The following GBP1 variants were observed in gnomAD, a reference collection of about 807,000 sequenced individuals.
GBP1 encodes the protein guanylate binding protein 1, also known as guanylate-binding protein 1.
Under a neutral mutation model 69.5 loss-of-function variants are expected in GBP1, and 64 were observed. The ratio of observed to expected loss-of-function variants is 0.92; its 90% CI spans 0.75 to 1.13. The LOEUF is 1.13. Ranked by LOEUF, GBP1 falls within the 50% of genes most tolerant of loss-of-function variation. The probability of loss-of-function intolerance (pLI) is 0.00; values close to 1 mark genes in which losing one functional copy is unlikely to be tolerated. For synonymous variants in GBP1, 250 were observed against 261.2 expected (o/e 0.96, Z 0.41); for missense variants, 630 against 704.1 (o/e 0.89, Z 1.19).
intron 10 of GBP1, 146 bp from the exon 11 acceptor site, chr1:89,053,614 C>A: frequency 7.9e-7 from 1 of 1,258,814 alleles, no homozygotes; most frequent in Non-Finnish European, 1.1e-6. Context: ...TATCATTGAC[C>A]AAAGCACAGC....
chr1:89,060,271 A>T lies in GBP1; in HGVS notation c.244T>A (p.Cys82Ser). Residue 82 changes from cysteine to serine, a missense_variant, in exon 3 of 11, where the codon TGT becomes AGT. Around this residue, in one of 5 missense-constraint regions of GBP1, gnomAD observed 131 missense variants for 138.5 expected, o/e 0.95. Transcript: ENST00000370473. Reference sequence around the variant, plus strand: ...CCTGGCTTCTTGGGGTGGGGCACACACCACATCCAGATTCCTTTAGTGTGA... The same window carrying T: ...CCTGGCTTCTTGGGGTGGGGCACACTCCACATCCAGATTCCTTTAGTGTGA... The part of the protein sequence containing the change: ...QSHTKGIWMW[C>S]VPHPKKPGHI... 6.2e-7 allele frequency: 1 copy of T among 1,603,648 alleles called. No individual in the cohort carries two copies. Among genetic ancestry groups the T allele is most frequent in the Non-Finnish European group, 8.5e-7 (1 of 1,175,656 alleles).
intron 4 of GBP1, 73 bp from the exon 5 acceptor site, chr1:89,059,116 A>C: frequency 1.9e-6 from 3 of 1,602,548 alleles, no homozygotes; most frequent in Non-Finnish European, 2.6e-6. Flanking sequence ...CACATACCCA[A>C]ACCTTCCATT....
chr1:89,059,895 T>C (rs1680139774), intron 3 of GBP1, among the ~76,000 whole-genome samples: 1 of 152,236 alleles, frequency 6.6e-6, no homozygotes, highest in African/African-American at 2.4e-5. Flanking sequence ...AACATAGGTC[T>C]TTTCCATACA....
intron 1 of GBP1, among the ~76,000 whole-genome samples, chr1:89,063,850 C>G (rs1403037576): frequency 1.3e-5 from 2 of 152,084 alleles, no homozygotes; most frequent in East Asian, 3.8e-4. Flanking sequence ...AACTATACAA[C>G]CATGTGAAAC....
At chr1:89,061,950 C>T (rs527786200) in intron 2 of GBP1, among the ~76,000 whole-genome samples, 82 of 151,332 alleles carry the variant, frequency 5.4e-4, no homozygotes, top group African/African-American at 1.8e-3. Context: ...AAAACCACAA[C>T]GAGATACTAC....
chr1:89,058,516 T>C (rs1680102384), intron 5 of GBP1: 2 of 515,530 alleles, frequency 3.9e-6, no homozygotes, highest in Non-Finnish European at 6.8e-6. Flanking sequence ...GTTCATGTTT[T>C]AGTCTATGTT....
intron 4 of GBP1, 48 bp downstream of exon 4, chr1:89,059,269 C>T: frequency 1.2e-6 from 2 of 1,614,000 alleles, no homozygotes; most frequent in South Asian, 1.1e-5. Context: ...TGTATGAATA[C>T]AGGTGTCCCC....
chr1:89,063,220 G>A lies in GBP1; in HGVS notation c.15C>T (p.Ile5=), dbSNP rs2101235829. 6.2e-7 allele frequency: 1 copy of A among 1,614,000 alleles called. No individual in the cohort carries two copies. The highest frequency in any genetic ancestry group is 8.5e-7 in the Non-Finnish European group (1 of 1,179,908). ...TGAGGCACATTGGGCCTGTCATGTG[G>A]ATCTCTGATGCCATGTCCAGGCTGT... is the stretch of plus-strand genomic sequence containing the variant. MASE[I]HMTGPMCLIE... The change falls in exon 2 of 11, where the codon ATC becomes ATT. Residue 5 remains isoleucine, a synonymous_variant. Coordinates refer to ENST00000370473, the MANE Select transcript of GBP1 (RefSeq NM_002053.3).
chr1:89,055,328 G>A, intron 8 of GBP1, 113 bp from the exon 9 acceptor site: 1 of 1,518,328 alleles, frequency 6.6e-7, no homozygotes, highest in South Asian at 1.3e-5. Flanking sequence ...TGGCCCTATT[G>A]TCCTTGGTGG....
rs779595056 is a variant in GBP1, at chr1:89,059,490, C to A, written c.319-64G>T. The A allele has an allele frequency of 2.7e-6, 4 of 1,456,584 alleles. No individual in the cohort carries two copies. In the South Asian group the frequency reaches 3.5e-5, roughly 13 times the overall value. 90.2% of individuals were successfully genotyped at this position (1,456,584 alleles called of 1,614,324 possible). On this transcript the variant is annotated intron_variant, in intron 3 of 10. Transcript: ENST00000370473. Reference sequence around the variant, plus strand: ...ATCATCGCAGCACTTTTCAGAGTAACAGTAGTAAAACTATGTTCATATGTT... The same window carrying A: ...ATCATCGCAGCACTTTTCAGAGTAAAAGTAGTAAAACTATGTTCATATGTT...
intron 2 of GBP1, 58 bp from the exon 3 acceptor site, chr1:89,060,382 T>A: frequency 6.9e-7 from 1 of 1,440,482 alleles, no homozygotes; most frequent in Admixed American, 2.5e-5. Flanking sequence ...TTCTGGCAAT[T>A]GAAGGAAAAA....
rs756174149 is a variant in GBP1, at chr1:89,056,025, C to T, written c.1359G>A (p.Lys453=). 3 of 1,613,844 alleles carry T rather than the reference C, an allele frequency of 1.9e-6. No homozygotes were observed. In the East Asian group the frequency reaches 6.7e-5, roughly 36 times the overall value. The part of the protein sequence containing the change: ...LKKKYYEEPR[K]GIQAEEILQT... ...GATAAATCTTGGTTACCTGTATCCCCTTCCTCGGTTCCTCATAGTACTTTT... is the reference window on the plus strand; with the variant it reads ...GATAAATCTTGGTTACCTGTATCCCTTTCCTCGGTTCCTCATAGTACTTTT... Residue 453 remains lysine (K), a synonymous_variant, in exon 8 of 11, where the codon AAG becomes AAA. Transcript: ENST00000370473.
At chr1:89,064,003 C>T (rs1205492372) in intron 1 of GBP1, among the ~76,000 whole-genome samples, 2 of 152,188 alleles carry the variant, frequency 1.3e-5, no homozygotes, top group Admixed American at 6.5e-5. Flanking sequence ...CTGAATGTTT[C>T]CTCCAGATAA....
rs555088506 is a variant in GBP1 at position 89,063,639 on chromosome 1, G to A, written c.-19-386C>T. ...ATTGATTCACTTATTAATTCTCACA[G>A]TGAATAAACATCCAACACAGTGAAT... On this transcript the variant is annotated intron_variant, in intron 1 of 10. Transcript: ENST00000370473. 5.1e-4 allele frequency among the ~76,000 whole-genome samples: 77 copies of A among 152,322 alleles called. 2 individuals are homozygous for A. The South Asian group carries it at 0.015, about 30-fold the overall frequency.
intron 8 of GBP1, 133 bp from the exon 9 acceptor site, chr1:89,055,348 C>G: frequency 6.9e-7 from 1 of 1,456,602 alleles, no homozygotes; most frequent in South Asian, 1.4e-5. Context: ...GTCAAATTCC[C>G]TGTCGGAGCG....
chr1:89,059,558 A>G (rs570806024), intron 3 of GBP1, 132 bp from the exon 4 acceptor site: 39 of 781,098 alleles, frequency 5.0e-5, no homozygotes, highest in Non-Finnish European at 6.5e-5. Context: ...TTTTTTTAAC[A>G]CTAATGACCT....
chr1:89,059,168 T>G, intron 4 of GBP1, 125 bp from the exon 5 acceptor site: 2 of 1,586,932 alleles, frequency 1.3e-6, no homozygotes, highest in Non-Finnish European at 8.6e-7. Context: ...AGTTCTAAAG[T>G]GGATACATGG....
In GBP1 at chr1:89,057,067, G is replaced by A. The variant is rs748148281; in HGVS notation, c.942C>T (p.Asn314=). 1.7e-5 allele frequency: 27 copies of A among 1,614,156 alleles called. No homozygotes were observed. The highest frequency in any genetic ancestry group is 1.2e-4 in the South Asian group (11 of 91,092). ...CTATCTGGGCCAAGGCCAGGACTGCGTTCTCCATGCACGGCAGATCCCCAC... is the reference window on the plus strand; with the variant it reads ...CTATCTGGGCCAAGGCCAGGACTGCATTCTCCATGCACGGCAGATCCCCAC... ...ISSGDLPCME[N]AVLALAQIEN... The change falls in exon 7 of 11, where the codon AAC becomes AAT. Residue 314 remains asparagine (N), a synonymous_variant. Coordinates refer to ENST00000370473, the MANE Select transcript of GBP1 (RefSeq NM_002053.3).
rs562560237 is a variant in GBP1 at position 89,061,010 on chromosome 1, C to T, written c.191-686G>A. ...AGGTGGAAGACTTGTAGAGTGAAAA[C>T]TTCAAACACCCTTTAAAGAAATTAT... On this transcript the variant is annotated intron_variant, in intron 2 of 10. Coordinates refer to ENST00000370473, the MANE Select transcript of GBP1 (RefSeq NM_002053.3). Among the ~76,000 whole-genome samples, 27 of 152,292 alleles carry T rather than the reference C, an allele frequency of 1.8e-4. No individual in the cohort carries two copies. The South Asian group carries it at 5.2e-3, about 29-fold the overall frequency.
Sources: allele counts gnomAD v4.1 joint callset (sites outside exome capture counted in the v4.1 genomes callset), GRCh38; gene constraint gnomAD v4.1.1; regional missense constraint gnomAD v4.1.1; transcripts MANE v1.5; gene names NCBI Gene and HGNC (gene_info 2026-07-23, HGNC 2026-07-21).